FAM135B: variants seen among roughly 807,000 people sequenced by gnomAD.
FAM135B encodes the protein protein FAM135B.
FAM135B carries 43 observed loss-of-function variants against 127.7 expected under a neutral mutation model. The ratio of observed to expected loss-of-function variants is 0.34; its 90% CI spans 0.26 to 0.43. The LOEUF is 0.43. Ranked by LOEUF, FAM135B falls within the 20% of genes least tolerant of loss-of-function variation. FAM135B has a pLI of 1.00. For missense variants in FAM135B, 1,558 were observed against 1,725.6 expected (o/e 0.90, Z 1.72); for synonymous variants, 670 against 665.1 (o/e 1.01, Z -0.11).
chr8:138,406,337 G>C (rs1833488027), intron 1 of FAM135B, among the ~76,000 whole-genome samples: 2 of 152,158 alleles, frequency 1.3e-5, no homozygotes, highest in African/African-American at 4.8e-5. Flanking sequence ...GGTACAGGGA[G>C]GAACTGGTAC....
In FAM135B at chr8:138,423,221, C is replaced by A. The variant is rs578244422; in HGVS notation, c.-19-55219G>T. Among the ~76,000 whole-genome samples the A allele has an allele frequency of 1.8e-3, 267 of 152,254 alleles. 3 individuals carry two copies. The highest frequency in any genetic ancestry group is 3.7e-3 in the African/African-American group (155 of 41,552). Reference sequence around the variant, plus strand: ...TTGTAAGCCAAACCCAGACAAGGGGCAACTTACCTATGTAAAAAATCTGTA... The same window carrying A: ...TTGTAAGCCAAACCCAGACAAGGGGAAACTTACCTATGTAAAAAATCTGTA... On this transcript the variant is annotated intron_variant, in intron 1 of 19. Transcript: ENST00000395297.
At position 138,250,996 on chromosome 8, in the gene FAM135B, C is replaced by A. The variant is rs2130489409; in HGVS notation, c.387G>T (p.Gly129=). The A allele has an allele frequency of 6.2e-7, 1 of 1,613,940 alleles. No homozygotes were observed. Among genetic ancestry groups the A allele is most frequent in the Non-Finnish European group, 8.5e-7 (1 of 1,180,006 alleles). ...DSEQQLRDVA[G]APMVSSRTLG... ...GCGTTCGGCTGCTGACCATCGGTGC[C>A]CCAGCCACATCCCTCAACCTAGAAG... Residue 129 remains glycine, a synonymous_variant, in exon 6 of 20, where the codon GGG becomes GGT. Coordinates refer to ENST00000395297, the MANE Select transcript of FAM135B (RefSeq NM_015912.4).
chr8:138,475,466 T>G (rs80315329), intron 1 of FAM135B, among the ~76,000 whole-genome samples: 3,520 of 152,188 alleles, frequency 0.023, 110 homozygotes, highest in East Asian at 0.078. Context: ...AAAACTTCAG[T>G]TTTTGTCCTC....
In FAM135B at chr8:138,226,187, G is replaced by A. The variant is rs982261665; in HGVS notation, c.669+16755C>T. On this transcript the variant is annotated intron_variant, in intron 7 of 19. Coordinates refer to ENST00000395297, the MANE Select transcript of FAM135B (RefSeq NM_015912.4). ...TGTGTGTGTGTGTGTGTGTGTGTGC[G>A]CGCATGTCATTTTTTTTTTCATTGA... is the stretch of plus-strand genomic sequence containing the variant. Among the ~76,000 whole-genome samples, 8 of 148,652 alleles carry A rather than the reference G, an allele frequency of 5.4e-5. No homozygotes were observed. In the East Asian group the frequency reaches 8.8e-4, roughly 16 times the overall value.
chr8:138,355,372 T>C lies in FAM135B; in HGVS notation c.77+12535A>G, dbSNP rs147484175. Among the ~76,000 whole-genome samples, 832 of 152,244 alleles carry C rather than the reference T, an allele frequency of 5.5e-3. 9 individuals are homozygous for C. The highest frequency in any genetic ancestry group is 0.019 in the African/African-American group (794 of 41,540). On this transcript the variant is annotated intron_variant, in intron 2 of 19. Transcript: ENST00000395297. ...AAGAAAATGTGGCACATATACACCA[T>C]GGAATACTATGAAGCCATAAAAAAT...
At chr8:138,392,903 T>C (rs1469110605) in intron 1 of FAM135B, among the ~76,000 whole-genome samples, 3 of 151,978 alleles carry the variant, frequency 2.0e-5, no homozygotes, top group Admixed American at 6.6e-5. Context: ...TTAATCGGTG[T>C]TGTATTAGTC....
At chr8:138,338,413 GA>G (rs1327660028) in intron 2 of FAM135B, among the ~76,000 whole-genome samples, 1 of 151,748 alleles carries the variant, frequency 6.6e-6, no homozygotes, top group South Asian at 2.1e-4. Context: ...AAATTTACAA[GA>G]AAAAAACAAA....
chr8:138,174,558 C>A (rs934280367), intron 11 of FAM135B, among the ~76,000 whole-genome samples: 1 of 152,158 alleles, frequency 6.6e-6, no homozygotes, highest in African/African-American at 2.4e-5. Flanking sequence ...TTCTTGATGA[C>A]CTGGCAAAAA....
intron 1 of FAM135B, among the ~76,000 whole-genome samples, chr8:138,415,584 T>C (rs755918318): frequency 2.6e-5 from 4 of 152,168 alleles, no homozygotes; most frequent in Non-Finnish European, 5.9e-5. Context: ...AGCTCAGGTC[T>C]CCTGAATTTA....
At chr8:138,276,017 C>T (rs745690650) in intron 3 of FAM135B, among the ~76,000 whole-genome samples, 7 of 152,162 alleles carry the variant, frequency 4.6e-5, no homozygotes, top group Admixed American at 2.0e-4. Context: ...CTCTATTTCC[C>T]GCTATGTCCT....
rs538824123 is a variant in FAM135B at position 138,200,319 on chromosome 8, A to G, written c.670-2650T>C. ...ACCAGGCATTCAGGGTAACCCATAT[A>G]TTCACATTTCTACAACTTTCCTATT... On this transcript the variant is annotated intron_variant, in intron 7 of 19. Transcript: ENST00000395297. Among the ~76,000 whole-genome samples the G allele has an allele frequency of 9.2e-5, 14 of 152,318 alleles. No homozygotes were observed. The South Asian group carries it at 2.9e-3, about 32-fold the overall frequency.
At chr8:138,392,140 C>G (rs964990204) in intron 1 of FAM135B, among the ~76,000 whole-genome samples, 8 of 152,194 alleles carry the variant, frequency 5.3e-5, no homozygotes, top group Non-Finnish European at 8.8e-5. Flanking sequence ...GGAATGTAAC[C>G]ATCTCATTTG....
intron 1 of FAM135B, among the ~76,000 whole-genome samples, chr8:138,410,883 T>C (rs1833825814): frequency 6.6e-6 from 1 of 151,998 alleles, no homozygotes; most frequent in Non-Finnish European, 1.5e-5. Flanking sequence ...TGAACTCCCA[T>C]TCACAATTGC....
intron 3 of FAM135B, among the ~76,000 whole-genome samples, chr8:138,291,358 A>G (rs1230500291): frequency 6.6e-6 from 1 of 152,150 alleles, no homozygotes; most frequent in African/African-American, 2.4e-5. Context: ...ACCATCACAC[A>G]AGCATTTATA....
chr8:138,269,234 C>T (rs1186540141), intron 3 of FAM135B, among the ~76,000 whole-genome samples: 3 of 152,182 alleles, frequency 2.0e-5, no homozygotes, highest in African/African-American at 7.2e-5. Context: ...TGATGACATT[C>T]CCTCAGCTGG....
chr8:138,283,454 GGGAGGTGGAGGGATTAATA>G (rs1240367908), intron 3 of FAM135B, among the ~76,000 whole-genome samples: 7 of 151,726 alleles, frequency 4.6e-5, no homozygotes, highest in East Asian at 2.0e-4. Flanking sequence ...TCAGGGTTAA[GGGAGGTGGAGGGATTAATA>G]GGCAAAGCTC....
At chr8:138,352,516 T>C (rs2131127277) in intron 2 of FAM135B, among the ~76,000 whole-genome samples, 1 of 152,294 alleles carries the variant, frequency 6.6e-6, no homozygotes, top group East Asian at 1.9e-4. Flanking sequence ...GGACCTTGGG[T>C]TCCTCCTGGG....
chr8:138,478,820 A>G (rs1460904069), intron 1 of FAM135B, among the ~76,000 whole-genome samples: 4 of 152,246 alleles, frequency 2.6e-5, no homozygotes, highest in African/African-American at 9.6e-5. Context: ...ACACTCACAG[A>G]TAAAACATCT....
chr8:138,259,763 C>T (rs1212017594), intron 4 of FAM135B, among the ~76,000 whole-genome samples: 1 of 152,170 alleles, frequency 6.6e-6, no homozygotes. Context: ...AGTAGTAAAA[C>T]ACCTCATCAC....
Sources: allele counts gnomAD v4.1 joint callset (sites outside exome capture counted in the v4.1 genomes callset), GRCh38; gene constraint gnomAD v4.1.1; transcripts MANE v1.5; gene names NCBI Gene and HGNC (gene_info 2026-07-23, HGNC 2026-07-21).